Variants in ADRA1A observed in about 807,000 individuals in gnomAD.
The protein encoded by ADRA1A is alpha-1A adrenergic receptor.
In ADRA1A, 31 loss-of-function variants were observed where a neutral mutation model predicts 29.6. That is an observed-to-expected ratio of 1.05 (90% confidence interval 0.79 to 1.41). The LOEUF (loss-of-function observed/expected upper bound fraction) is 1.41. Among genes scored for constraint, ADRA1A ranks in the 40% most tolerant of loss-of-function variants. The pLI is 0.00. For missense variants in ADRA1A, 619 were observed against 601.1 expected (o/e 1.03, Z -0.31); for synonymous variants, 311 against 254.3 (o/e 1.22, Z -2.12).
At chr8:26,765,945 G>A, downstream of ADRA1A, 1 of 1,314,534 alleles carries the variant, frequency 7.6e-7, no homozygotes, top group African/African-American at 2.1e-5. Context: ...AGAAGGTTGG[G>A]ATATCCAGTT....
rs551639372 is a variant in ADRA1A at position 26,823,228 on chromosome 8, T to G, written c.883+40859A>C. Among the ~76,000 whole-genome samples, 27 of 152,302 alleles carry G rather than the reference T, an allele frequency of 1.8e-4. No individual in the cohort carries two copies. Among genetic ancestry groups the G allele is most frequent in the Non-Finnish European group, 3.4e-4 (23 of 68,032 alleles). ...TGGCTAGCCTTTCTGCAAAGTGTGC[T>G]CTTGTCTGTGACACATGCTTCTTTG... On this transcript the variant is annotated intron_variant, in intron 2 of 2. Transcript: ENST00000380573. This position sits in a 1 kb window ranked among gnomAD's most constrained non-coding sequence, Gnocchi z 4.2.
In ADRA1A at chr8:26,770,632, T is replaced by C. The variant is rs768874545; in HGVS notation, c.918A>G (p.Thr306=). 1 of 1,613,398 alleles carries C rather than the reference T, an allele frequency of 6.2e-7. No homozygotes were observed. The highest frequency in any genetic ancestry group is 1.7e-5 in the Admixed American group (1 of 59,978). The stretch of plus-strand genomic sequence containing the variant: ...CGAGCCAAAATACTATTTTAAAAAC[T>C]GTTTCAGAGGGCTTGAAATCAGGGA... ...SFFPDFKPSE[T]VFKIVFWLGY... The change falls in exon 3 of 3, where the codon ACA becomes ACG. Residue 306 remains threonine (T), a synonymous_variant. Transcript: ENST00000380573.
chr8:26,782,980 C>T (rs1323405347), intron 2 of ADRA1A, among the ~76,000 whole-genome samples: 4 of 152,156 alleles, frequency 2.6e-5, no homozygotes, highest in Admixed American at 6.5e-5. Context: ...GCCCTGACTA[C>T]GAAACCTGTA....
chr8:26,797,865 G>A (rs1468887368), intron 2 of ADRA1A, among the ~76,000 whole-genome samples: 1 of 152,148 alleles, frequency 6.6e-6, no homozygotes, highest in East Asian at 1.9e-4. Context: ...TAATTGTTAA[G>A]TGCTCATAAA....
intron 2 of ADRA1A, among the ~76,000 whole-genome samples, chr8:26,844,503 G>T (rs1812056881): frequency 6.6e-6 from 1 of 152,140 alleles, no homozygotes; most frequent in Non-Finnish European, 1.5e-5. Flanking sequence ...CTGTCATAAG[G>T]ATAAAGGACA....
At chr8:26,774,639 G>A (rs571997416) in intron 2 of ADRA1A, among the ~76,000 whole-genome samples, 1 of 151,106 alleles carries the variant, frequency 6.6e-6, no homozygotes, top group Non-Finnish European at 1.5e-5. Flanking sequence ...CTGCAGTCCA[G>A]CATGGGCAAC....
intron 2 of ADRA1A, among the ~76,000 whole-genome samples, chr8:26,850,734 C>T (rs373886532): frequency 2.6e-5 from 4 of 152,188 alleles, no homozygotes; most frequent in Non-Finnish European, 4.4e-5. Context: ...TCAAGTGATC[C>T]GCCCACCTCG....
At chr8:26,832,601 C>T (rs1039998448) in intron 2 of ADRA1A, among the ~76,000 whole-genome samples, 2 of 152,054 alleles carry the variant, frequency 1.3e-5, no homozygotes, top group Non-Finnish European at 2.9e-5. Flanking sequence ...GGGTTAGTCG[C>T]TCCCAACAAA....
At chr8:26,855,438 C>T (rs892560040) in intron 2 of ADRA1A, among the ~76,000 whole-genome samples, 1 of 149,994 alleles carries the variant, frequency 6.7e-6, no homozygotes, top group Non-Finnish European at 1.5e-5. Context: ...AGAAAAACTG[C>T]TGTATAAAAA....
intron 2 of ADRA1A, among the ~76,000 whole-genome samples, chr8:26,813,485 CATCT>C (rs1469344817): frequency 1.5e-3 from 218 of 148,848 alleles, no homozygotes; most frequent in African/African-American, 5.3e-3. Flanking sequence ...ATTCCTCTTG[CATCT>C]ATCCATCCAT....
At chr8:26,854,505 C>T (rs1812880397) in intron 2 of ADRA1A, 1 of 150,548 alleles carries the variant, frequency 6.6e-6, no homozygotes, top group Non-Finnish European at 1.5e-5. Context: ...GCCACCATAC[C>T]TGTTAATGTG....
chr8:26,758,075 G>T lies in ADRA1A; in HGVS notation c.1270-1296C>A, dbSNP rs537105263. Among the ~76,000 whole-genome samples, 3 of 152,316 alleles carry T rather than the reference G, an allele frequency of 2.0e-5. No individual in the cohort carries two copies. In the South Asian group the frequency reaches 6.2e-4, roughly 32 times the overall value. ...ATCTTCAAAGTAGTGTAGTTTGCCTGATTTTTAAAAGCTAAGACAAATTTT... is the reference window on the plus strand; with the variant it reads ...ATCTTCAAAGTAGTGTAGTTTGCCTTATTTTTAAAAGCTAAGACAAATTTT... On this transcript the variant is annotated intron_variant, in intron 2 of 2. Transcript: ENST00000380582.
At chr8:26,753,278 C>T (rs1805001871), downstream of ADRA1A, among the ~76,000 whole-genome samples, 1 of 152,162 alleles carries the variant, frequency 6.6e-6, no homozygotes. Context: ...GTCTTGAACA[C>T]ATCCAACATT....
intron 2 of ADRA1A, among the ~76,000 whole-genome samples, chr8:26,759,325 C>A (rs73558237): frequency 0.012 from 1,889 of 152,234 alleles, 46 homozygotes; most frequent in African/African-American, 0.043. Flanking sequence ...TGAAAGCAAG[C>A]AAGGGACCTC....
At chr8:26,766,154 CCAAA>C, downstream of ADRA1A, 1 of 1,593,594 alleles carries the variant, frequency 6.3e-7, no homozygotes, top group South Asian at 1.1e-5. Flanking sequence ...TCCCCTCTGT[CCAAA>C]CAAAAAAAAA....
downstream of ADRA1A, among the ~76,000 whole-genome samples, chr8:26,754,585 C>T (rs575106152): frequency 6.6e-6 from 1 of 152,172 alleles, no homozygotes; most frequent in African/African-American, 2.4e-5. Flanking sequence ...CATGGAAATG[C>T]TGTGTTTGTA....
intron 2 of ADRA1A, among the ~76,000 whole-genome samples, chr8:26,798,913 C>CT (rs1203982980): frequency 6.6e-6 from 1 of 152,080 alleles, no homozygotes; most frequent in East Asian, 1.9e-4. Context: ...ACATTTCTTT[C>CT]TTTTTTCTCT....
At chr8:26,820,932 C>T (rs1052747084) in intron 2 of ADRA1A, among the ~76,000 whole-genome samples, 1 of 152,024 alleles carries the variant, frequency 6.6e-6, no homozygotes, top group Admixed American at 6.5e-5. Flanking sequence ...CTCTGTCGCC[C>T]AGGCTGGAGA....
intron 2 of ADRA1A, among the ~76,000 whole-genome samples, chr8:26,816,504 A>C (rs1348549470): frequency 6.6e-6 from 1 of 151,850 alleles, no homozygotes. Context: ...GGAGAAGGGC[A>C]AAAACAACAA....
Sources: allele counts gnomAD v4.1 joint callset (sites outside exome capture counted in the v4.1 genomes callset), GRCh38; gene constraint gnomAD v4.1.1; non-coding constraint Gnocchi (gnomAD v3.1); transcripts MANE v1.5; gene names NCBI Gene and HGNC (gene_info 2026-07-23, HGNC 2026-07-21).